The following ANKRD13C variants were observed in gnomAD, a reference collection of about 807,000 sequenced individuals.
ANKRD13C encodes ankyrin repeat domain 13C.
Under a neutral mutation model 65.5 loss-of-function variants are expected in ANKRD13C, and 16 were observed. The ratio of observed to expected loss-of-function variants is 0.24; its 90% CI spans 0.17 to 0.37. ANKRD13C has a LOEUF of 0.37. Among genes scored for constraint, ANKRD13C ranks in the 10% least tolerant of loss-of-function variants. The probability of loss-of-function intolerance (pLI) is 1.00; values close to 1 mark genes in which losing one functional copy is unlikely to be tolerated. For synonymous variants in ANKRD13C, 235 were observed against 238.7 expected, an observed-to-expected ratio of 0.98 and a Z score of 0.14; for missense variants, 503 against 655.9, an observed-to-expected ratio of 0.77 and a Z score of 2.55.
intron 1 of ANKRD13C, among the ~76,000 whole-genome samples, chr1:70,337,474 G>A (rs966828550): frequency 2.4e-4 from 37 of 152,038 alleles, no homozygotes; most frequent in African/African-American, 8.7e-4. Context: ...CAGCTACTTG[G>A]GAGGCTGAGG....
At chr1:70,303,167 A>G (rs2101371025) in intron 6 of ANKRD13C, among the ~76,000 whole-genome samples, 1 of 152,344 alleles carries the variant, frequency 6.6e-6, no homozygotes, top group South Asian at 2.1e-4. Context: ...TAATTTTGCA[A>G]TAAAAAGGGT....
chr1:70,305,583 T>C (rs1680552785), intron 6 of ANKRD13C: 1 of 152,114 alleles, frequency 6.6e-6, no homozygotes, highest in African/African-American at 2.4e-5. Context: ...TAGCATTATA[T>C]ATACTTTACA....
intron 2 of ANKRD13C, among the ~76,000 whole-genome samples, chr1:70,334,108 GA>G (rs1423811233): frequency 1.3e-5 from 2 of 152,190 alleles, no homozygotes; most frequent in African/African-American, 4.8e-5. Flanking sequence ...AGGATTGCTT[GA>G]GGCCAGGAGT....
At chr1:70,313,462 CGAGGCTGTAGT>C (rs2101463220) in intron 5 of ANKRD13C, among the ~76,000 whole-genome samples, 1 of 148,594 alleles carries the variant, frequency 6.7e-6, no homozygotes, top group Admixed American at 6.8e-5. Context: ...CCCAGGGGTT[CGAGGCTGTAGT>C]AAGCTATGAT....
intron 1 of ANKRD13C, among the ~76,000 whole-genome samples, chr1:70,342,771 C>CACACA (rs945588509): frequency 2.0e-5 from 3 of 148,742 alleles, no homozygotes; most frequent in African/African-American, 7.5e-5. Context: ...CACACACACA[C>CACACA]AAAATAACAC....
chr1:70,274,319 C>T (rs1259178403), intron 11 of ANKRD13C, among the ~76,000 whole-genome samples: 1 of 151,068 alleles, frequency 6.6e-6, no homozygotes, highest in Admixed American at 6.6e-5. Flanking sequence ...ACTAAAAATA[C>T]AAAAATTAGC....
chr1:70,261,578 T>C lies in ANKRD13C; in HGVS notation c.*1139A>G, dbSNP rs1678390352. On this transcript the variant is annotated 3_prime_UTR_variant, in exon 13 of 13. Coordinates refer to ENST00000370944, the MANE Select transcript of ANKRD13C (RefSeq NM_030816.5). ...CAAAAATGAGTAATACATGATTTTA[T>C]CACTTTGGAGACAATGAAATCAATA... is the stretch of plus-strand genomic sequence containing the variant. 2 of 152,224 alleles carry C rather than the reference T, an allele frequency of 1.3e-5. No homozygotes were observed. The highest frequency in any genetic ancestry group is 2.4e-5 in the African/African-American group (1 of 41,456). 9.4% of individuals were successfully genotyped at this position (152,224 alleles called of 1,614,324 possible). A position where few individuals can be genotyped will look rare whatever the true frequency, so the allele number is the denominator to read the frequency against.
chr1:70,314,143 T>C (rs1360466751), intron 4 of ANKRD13C, among the ~76,000 whole-genome samples: 3 of 151,948 alleles, frequency 2.0e-5, no homozygotes, highest in Non-Finnish European at 4.4e-5. Flanking sequence ...CCCATTGTAA[T>C]AGAAAATATT....
chr1:70,295,281 ACT>A (rs937043652), intron 8 of ANKRD13C, among the ~76,000 whole-genome samples: 3 of 151,452 alleles, frequency 2.0e-5, no homozygotes, highest in African/African-American at 7.3e-5. Context: ...ACGGAGTCTC[ACT>A]CTGTCTCAGG....
At chr1:70,276,638 T>C (rs2101144369) in intron 10 of ANKRD13C, 127 bp downstream of exon 10, 2 of 771,410 alleles carry the variant, frequency 2.6e-6, no homozygotes, top group Non-Finnish European at 2.1e-6. Context: ...GGTAGAAGAA[T>C]TGCTTCAGTC....
intron 1 of ANKRD13C, among the ~76,000 whole-genome samples, chr1:70,336,771 G>A (rs1237152252): frequency 2.6e-5 from 4 of 152,004 alleles, no homozygotes; most frequent in African/African-American, 7.2e-5. Flanking sequence ...TTATTAGTGG[G>A]GGTGAAGAAG....
At chr1:70,287,182 TTC>T (rs1679660070) in intron 9 of ANKRD13C, among the ~76,000 whole-genome samples, 1 of 152,034 alleles carries the variant, frequency 6.6e-6, no homozygotes, top group African/African-American at 2.4e-5. Context: ...CCCTGAACAC[TTC>T]TGAGAGAAAT....
At chr1:70,321,086 T>G (rs868158483) in intron 3 of ANKRD13C, among the ~76,000 whole-genome samples, 2 of 152,214 alleles carry the variant, frequency 1.3e-5, no homozygotes, top group Non-Finnish European at 2.9e-5. Context: ...TTTTGATTCT[T>G]GATACACAGT....
intron 12 of ANKRD13C, among the ~76,000 whole-genome samples, chr1:70,265,341 T>A (rs1240471856): frequency 6.6e-6 from 1 of 152,152 alleles, no homozygotes; most frequent in South Asian, 2.1e-4. Context: ...CAGTTATTCA[T>A]TGAGCCAAGG....
intron 1 of ANKRD13C, among the ~76,000 whole-genome samples, chr1:70,336,357 T>A (rs530248182): frequency 1.2e-4 from 18 of 152,304 alleles, no homozygotes; most frequent in Admixed American, 1.1e-3. Context: ...TTTCACAGAT[T>A]CCTTTTGCTG....
chr1:70,268,106 G>C (rs890083410), intron 12 of ANKRD13C, among the ~76,000 whole-genome samples: 1 of 152,036 alleles, frequency 6.6e-6, no homozygotes, highest in Non-Finnish European at 1.5e-5. Flanking sequence ...ACAACTGAGA[G>C]GAAAAATGCA....
intron 6 of ANKRD13C, among the ~76,000 whole-genome samples, chr1:70,302,772 G>A (rs11584640): frequency 0.17 from 24,158 of 141,070 alleles, 2,613 homozygotes; most frequent in Non-Finnish European, 0.24. Context: ...AGTATTAAAA[G>A]GGACTCTTCC....
chr1:70,263,127 T>C (rs781074858), intron 12 of ANKRD13C, among the ~76,000 whole-genome samples: 3 of 152,126 alleles, frequency 2.0e-5, no homozygotes, highest in South Asian at 2.1e-4. Flanking sequence ...TGCCAGATTC[T>C]ACCAGTCTTT....
chr1:70,331,593 G>A (rs1388487589), intron 2 of ANKRD13C, among the ~76,000 whole-genome samples: 5 of 149,858 alleles, frequency 3.3e-5, no homozygotes, highest in African/African-American at 1.2e-4. Context: ...GTAAATCTCA[G>A]CACTTTGGGA....
Sources: gnomAD v4.1 joint callset for allele counts (sites outside exome capture counted in the v4.1 genomes callset) on GRCh38, gnomAD v4.1.1 for gene constraint, MANE v1.5 for transcripts, NCBI Gene and HGNC (gene_info 2026-07-23, HGNC 2026-07-21) for gene names.